SERINC5: variants seen among roughly 807,000 people sequenced by gnomAD.
SERINC5 encodes chromosome 5 open reading frame 12.
In SERINC5, 41 loss-of-function variants were observed where a neutral mutation model predicts 63.1. The observed-to-expected ratio is 0.65, with a 90% CI of 0.51 to 0.84. SERINC5 has a LOEUF of 0.84. Ranked by LOEUF, SERINC5 falls within the 40% of genes least tolerant of loss-of-function variation. The pLI, the probability that SERINC5 is intolerant of heterozygous loss-of-function variation, is 0.00. For missense variants in SERINC5, 523 were observed against 573.0 expected (o/e 0.91, Z 0.89); for synonymous variants, 222 against 215.2 (o/e 1.03, Z -0.28).
At chr5:80,227,621 A>G (rs1311965172) in intron 1 of SERINC5, among the ~76,000 whole-genome samples, 1 of 69,150 alleles carries the variant, frequency 1.4e-5, no homozygotes, top group African/African-American at 8.8e-5. Flanking sequence ...AAAAAAAAAG[A>G]ATCGCATGTG....
intron 2 of SERINC5, among the ~76,000 whole-genome samples, chr5:80,194,488 G>C (rs964099977): frequency 1.3e-5 from 2 of 152,140 alleles, no homozygotes; most frequent in Non-Finnish European, 2.9e-5. Flanking sequence ...TTAAAAAGAT[G>C]GTTATACCAA....
intron 2 of SERINC5, among the ~76,000 whole-genome samples, chr5:80,179,253 C>T (rs1455585072): frequency 1.3e-5 from 2 of 151,962 alleles, no homozygotes; most frequent in Admixed American, 6.6e-5. Context: ...GAGCCGAGAT[C>T]GTGACACTGC....
At chr5:80,181,082 G>C (rs965731978) in intron 2 of SERINC5, among the ~76,000 whole-genome samples, 1 of 152,192 alleles carries the variant, frequency 6.6e-6, no homozygotes, top group African/African-American at 2.4e-5. Flanking sequence ...TTGACACAAG[G>C]TTGGGAAGTC....
chr5:80,126,051 G>T (rs571219064), intron 11 of SERINC5, among the ~76,000 whole-genome samples: 2 of 152,232 alleles, frequency 1.3e-5, no homozygotes, highest in East Asian at 3.9e-4. Context: ...GATTTTTCTT[G>T]TGACCACAAG....
chr5:80,219,960 G>A (rs1208422181), intron 1 of SERINC5, among the ~76,000 whole-genome samples: 2 of 152,108 alleles, frequency 1.3e-5, no homozygotes, highest in African/African-American at 2.4e-5. Flanking sequence ...TGTAATCCCA[G>A]CACTTTGGAG....
intron 1 of SERINC5, among the ~76,000 whole-genome samples, chr5:80,233,489 A>C (rs958567031): frequency 1.5e-5 from 2 of 133,838 alleles, no homozygotes; most frequent in Non-Finnish European, 3.2e-5. Flanking sequence ...GGATAAGTTT[A>C]AAAAAAACTC....
At chr5:80,161,979 A>AGT (rs1365383549) in intron 7 of SERINC5, among the ~76,000 whole-genome samples, 2 of 152,194 alleles carry the variant, frequency 1.3e-5, no homozygotes, top group East Asian at 3.8e-4. Flanking sequence ...TCCTTTCCCC[A>AGT]GTGTGTGTTC....
At chr5:80,245,057 C>G (rs1262510766) in intron 1 of SERINC5, among the ~76,000 whole-genome samples, 3 of 152,186 alleles carry the variant, frequency 2.0e-5, no homozygotes, top group African/African-American at 7.2e-5. Context: ...CACCTCTCCC[C>G]ACCCTCCAGG....
At chr5:80,207,563 T>A (rs1198992609) in intron 1 of SERINC5, among the ~76,000 whole-genome samples, 3 of 152,206 alleles carry the variant, frequency 2.0e-5, no homozygotes, top group Non-Finnish European at 2.9e-5. Context: ...GAAAGCCCTA[T>A]TGGTTTAACC....
intron 1 of SERINC5, among the ~76,000 whole-genome samples, chr5:80,206,332 T>C (rs944126377): frequency 1.3e-5 from 2 of 152,194 alleles, no homozygotes; most frequent in Admixed American, 1.3e-4. Flanking sequence ...TAAGACAACA[T>C]ACCATAATGG....
intron 2 of SERINC5, among the ~76,000 whole-genome samples, chr5:80,195,478 C>G (rs1372597221): frequency 2.6e-5 from 4 of 152,152 alleles, no homozygotes; most frequent in Non-Finnish European, 5.9e-5. Flanking sequence ...CAAGGCAGAA[C>G]ACTTGCTATA....
chr5:80,180,442 CAAT>C (rs1748345010), intron 2 of SERINC5, among the ~76,000 whole-genome samples: 2 of 152,154 alleles, frequency 1.3e-5, no homozygotes, highest in African/African-American at 4.8e-5. Flanking sequence ...ACTGAAGAAA[CAAT>C]AATATCTGTG....
At chr5:80,249,018 C>G (rs1005492146) in intron 1 of SERINC5, among the ~76,000 whole-genome samples, 4 of 152,172 alleles carry the variant, frequency 2.6e-5, no homozygotes, top group Non-Finnish European at 4.4e-5. Flanking sequence ...ATTAACACCT[C>G]TGAAGAAACC....
chr5:80,181,333 G>A (rs747902646), intron 2 of SERINC5, among the ~76,000 whole-genome samples: 3 of 151,948 alleles, frequency 2.0e-5, no homozygotes, highest in Non-Finnish European at 4.4e-5. Flanking sequence ...TGCAACCGTC[G>A]CCTCCAGGGC....
chr5:80,202,820 C>T (rs1749924756), intron 2 of SERINC5, 66 bp downstream of exon 2: 11 of 1,497,156 alleles, frequency 7.3e-6, no homozygotes, highest in Non-Finnish European at 1.0e-5. Flanking sequence ...TCTTCTAAAT[C>T]ATGTTTTTCC....
chr5:80,184,134 A>C (rs942013316), intron 2 of SERINC5, among the ~76,000 whole-genome samples: 8 of 151,846 alleles, frequency 5.3e-5, no homozygotes, highest in African/African-American at 1.9e-4. Flanking sequence ...ATTGCTTTGA[A>C]TCTCTAAAAG....
chr5:80,193,434 A>G (rs1347982370), intron 2 of SERINC5, among the ~76,000 whole-genome samples: 1 of 152,220 alleles, frequency 6.6e-6, no homozygotes, highest in East Asian at 1.9e-4. Context: ...CAGACGCTTT[A>G]GATGACTACA....
At chr5:80,170,109 C>A (rs1747552574) in intron 5 of SERINC5, among the ~76,000 whole-genome samples, 3 of 152,016 alleles carry the variant, frequency 2.0e-5, no homozygotes, top group African/African-American at 7.2e-5. Context: ...GATCAACATT[C>A]AAAAAGGGAG....
At chr5:80,147,350 C>G (rs1745888107) in intron 9 of SERINC5, 66 bp from the exon 10 acceptor site, 6 of 1,509,568 alleles carry the variant, frequency 4.0e-6, no homozygotes, top group Non-Finnish European at 4.5e-6. Flanking sequence ...AGCAAGACAA[C>G]AGTAACCCTT....
Sources: gnomAD v4.1 joint callset for allele counts (sites outside exome capture counted in the v4.1 genomes callset) on GRCh38, gnomAD v4.1.1 for gene constraint, MANE v1.5 for transcripts, NCBI Gene and HGNC (gene_info 2026-07-23, HGNC 2026-07-21) for gene names.